The following PTPRD variants were observed in gnomAD, a reference collection of about 807,000 sequenced individuals.
PTPRD encodes receptor-type tyrosine-protein phosphatase delta.
A neutral mutation model predicts 214.5 loss-of-function variants in PTPRD; 34 were observed. The ratio of observed to expected loss-of-function variants is 0.16; its 90% CI spans 0.12 to 0.21. The LOEUF (loss-of-function observed/expected upper bound fraction) is 0.21, where lower values mean the gene tolerates loss of function less well. Among genes scored for constraint, PTPRD ranks in the 10% least tolerant of loss-of-function variants. The probability of loss-of-function intolerance (pLI) is 1.00; values close to 1 mark genes in which losing one functional copy is unlikely to be tolerated. For missense variants in PTPRD, 2,545 were observed against 2,398.7 expected, an observed-to-expected ratio of 1.06 and a Z score of -1.27; for synonymous variants, 1,128 against 845.7, an observed-to-expected ratio of 1.33 and a Z score of -5.79.
Position 9,165,309 on chromosome 9 carries a change from A to G in PTPRD, c.-143+17995T>C, listed in dbSNP as rs910905007. 4.6e-5 allele frequency among the ~76,000 whole-genome samples: 7 copies of G among 152,214 alleles called. No homozygotes were observed. The East Asian group carries it at 1.3e-3, about 29-fold the overall frequency. On this transcript the variant is annotated intron_variant, in intron 10 of 45. Coordinates refer to ENST00000381196, the MANE Select transcript of PTPRD (RefSeq NM_002839.4). The stretch of plus-strand genomic sequence containing the variant: ...AGTGAGGAACCAAAAGATGAATGTC[A>G]GGACTTCTTAATTTTGAGGAGAGAA...
intron 10 of PTPRD, among the ~76,000 whole-genome samples, chr9:9,125,069 G>A (rs2099826595): frequency 6.6e-6 from 1 of 151,918 alleles, no homozygotes; most frequent in Admixed American, 6.6e-5. Context: ...GCTCCCTTAA[G>A]CTTCTCAGTC....
chr9:10,255,495 G>A lies in PTPRD; in HGVS notation c.-545+85468C>T, dbSNP rs186369806. Among the ~76,000 whole-genome samples, 439 of 152,314 alleles carry A rather than the reference G, an allele frequency of 2.9e-3. 1 individual carries two copies. Among genetic ancestry groups the A allele is most frequent in the African/African-American group, 0.01 (422 of 41,576 alleles). On this transcript the variant is annotated intron_variant, in intron 3 of 45. Transcript: ENST00000381196. The stretch of plus-strand genomic sequence containing the variant: ...TACACCTGCATAAGGCACTTAGCAT[G>A]AATGGAGGCTATAGGACTGGAAGTT...
rs552278694 is a variant in PTPRD, at chr9:8,354,278, G to A, written c.4662-12300C>T. ...GTAAAATGGGATTCACTTCCACAAA[G>A]TCAAACACAAGAAGTAACAGCAAAA... On this transcript the variant is annotated intron_variant, in intron 39 of 45. Transcript: ENST00000381196. Among the ~76,000 whole-genome samples the A allele has an allele frequency of 8.2e-4, 124 of 151,864 alleles. 1 individual carries two copies. Among genetic ancestry groups the A allele is most frequent in the African/African-American group, 2.8e-3 (114 of 41,400 alleles).
intron 10 of PTPRD, among the ~76,000 whole-genome samples, chr9:9,157,619 T>A (rs188904957): frequency 1.3e-5 from 2 of 152,190 alleles, no homozygotes; most frequent in African/African-American, 4.8e-5. Flanking sequence ...ATTGAATCAA[T>A]ATTCAAACTT....
intron 3 of PTPRD, among the ~76,000 whole-genome samples, chr9:10,149,786 G>A (rs113140633): frequency 0.1 from 15,688 of 150,098 alleles, 888 homozygotes; most frequent in Admixed American, 0.15. Flanking sequence ...GCTGGAGTGC[G>A]GTGGTGCAAT....
At chr9:10,060,189 T>G (rs1361458025) in intron 3 of PTPRD, among the ~76,000 whole-genome samples, 1 of 152,096 alleles carries the variant, frequency 6.6e-6, no homozygotes, top group East Asian at 1.9e-4. Context: ...ACACATTTCA[T>G]TTCTGTCCTC....
chr9:8,660,242 T>G (rs2097012447), intron 12 of PTPRD, among the ~76,000 whole-genome samples: 1 of 152,332 alleles, frequency 6.6e-6, no homozygotes, highest in Non-Finnish European at 1.5e-5. Flanking sequence ...ATCAATAATC[T>G]AAGCTAAGCA....
At chr9:8,534,290 A>G (rs2076392526) in intron 14 of PTPRD, among the ~76,000 whole-genome samples, 1 of 151,938 alleles carries the variant, frequency 6.6e-6, no homozygotes, top group African/African-American at 2.4e-5. Context: ...AAAGAACACA[A>G]TAGAACACGT....
At chr9:10,438,102 A>T (rs1347811481) in intron 2 of PTPRD, among the ~76,000 whole-genome samples, 1 of 149,822 alleles carries the variant, frequency 6.7e-6, no homozygotes, top group Non-Finnish European at 1.5e-5. Flanking sequence ...TCAAAATAAC[A>T]TATTTACTAA....
intron 11 of PTPRD, among the ~76,000 whole-genome samples, chr9:8,883,417 A>T (rs1340485084): frequency 6.6e-6 from 1 of 152,190 alleles, no homozygotes; most frequent in Non-Finnish European, 1.5e-5. Context: ...TTCTCCTTAG[A>T]CATTCATTGG....
At chr9:8,803,693 C>G (rs1490519381) in intron 11 of PTPRD, among the ~76,000 whole-genome samples, 1 of 151,342 alleles carries the variant, frequency 6.6e-6, no homozygotes, top group Non-Finnish European at 1.5e-5. Context: ...CACTTGTAAC[C>G]ACTGCACTCC....
At chr9:9,355,283 A>G (rs1276227596) in intron 9 of PTPRD, among the ~76,000 whole-genome samples, 1 of 151,714 alleles carries the variant, frequency 6.6e-6, no homozygotes, top group African/African-American at 2.4e-5. Flanking sequence ...ATGAGAATGA[A>G]TTATAATGGT....
At chr9:9,402,983 AAAAAAACAC>A (rs1005334817) in intron 8 of PTPRD, among the ~76,000 whole-genome samples, 2 of 147,462 alleles carry the variant, frequency 1.4e-5, no homozygotes, top group African/African-American at 5.0e-5. Flanking sequence ...AAAAAAAAAA[AAAAAAACAC>A]CAAAAAAAAA....
chr9:10,589,673 A>G (rs2074921179), intron 2 of PTPRD, among the ~76,000 whole-genome samples: 1 of 152,052 alleles, frequency 6.6e-6, no homozygotes, highest in Non-Finnish European at 1.5e-5. Context: ...CAAATTCCTG[A>G]CACGAGACAG....
intron 2 of PTPRD, among the ~76,000 whole-genome samples, chr9:10,479,990 A>T (rs900847047): frequency 6.6e-6 from 1 of 152,142 alleles, no homozygotes; most frequent in South Asian, 2.1e-4. Context: ...ATAAAAAGGG[A>T]GAAGTCTGGA....
In PTPRD at chr9:8,459,838, G is replaced by A. The variant is rs535298166; in HGVS notation, c.3875+573C>T. ...ACACATACACGAATTCACCAGTGCA[G>A]ATGTGGAATAAGAGTTAGAAGAAAA... On this transcript the variant is annotated intron_variant, in intron 33 of 45. Coordinates refer to ENST00000381196, the MANE Select transcript of PTPRD (RefSeq NM_002839.4). 3.0e-4 allele frequency among the ~76,000 whole-genome samples: 45 copies of A among 152,218 alleles called. 1 individual carries two copies. In the South Asian group the frequency reaches 8.7e-3, roughly 29 times the overall value.
chr9:10,271,534 C>CTTTTTTTTTTTTTTTTTTTTTTTTT (rs1251429330), intron 3 of PTPRD, among the ~76,000 whole-genome samples: 1 of 86,572 alleles, frequency 1.2e-5, no homozygotes, highest in African/African-American at 3.1e-5. Flanking sequence ...TCAATTGTTT[C>CTTTTTTTTTTTTTTTTTTTTTTTTT]TTTTCTTTTC....
At chr9:9,150,737 G>C (rs2154487981) in intron 10 of PTPRD, among the ~76,000 whole-genome samples, 1 of 152,116 alleles carries the variant, frequency 6.6e-6, no homozygotes, top group African/African-American at 2.4e-5. Flanking sequence ...GCCTCCCAAA[G>C]GGCTGGGATT....
At chr9:8,345,375 C>T (rs1045521948) in intron 39 of PTPRD, among the ~76,000 whole-genome samples, 2 of 152,002 alleles carry the variant, frequency 1.3e-5, no homozygotes, top group East Asian at 3.9e-4. Flanking sequence ...TTCCCAGCAC[C>T]CCCAGTGCTT....
Sources: allele counts gnomAD v4.1 joint callset (sites outside exome capture counted in the v4.1 genomes callset), GRCh38; gene constraint gnomAD v4.1.1; transcripts MANE v1.5; gene names NCBI Gene and HGNC (gene_info 2026-07-23, HGNC 2026-07-21).